DNAH9: variants seen among roughly 807,000 people sequenced by gnomAD.
DNAH9 encodes the protein DNAH9 variant protein.
Under a neutral mutation model 471.6 loss-of-function variants are expected in DNAH9, and 345 were observed. The observed-to-expected ratio is 0.73, with a 90% CI of 0.67 to 0.80. The LOEUF (loss-of-function observed/expected upper bound fraction) is 0.80. Among genes scored for constraint, DNAH9 ranks in the 30% least tolerant of loss-of-function variants. DNAH9 has a pLI of 0.00. For missense variants in DNAH9, 5,407 were observed against 5,609.2 expected (o/e 0.96, Z 1.15); for synonymous variants, 2,093 against 2,123.6 (o/e 0.99, Z 0.40).
At chr17:11,760,323 C>G (rs1055670839) in intron 35 of DNAH9, among the ~76,000 whole-genome samples, 4 of 152,236 alleles carry the variant, frequency 2.6e-5, no homozygotes, top group African/African-American at 9.6e-5. Context: ...TCTGCTATTT[C>G]TCACTCTGGG....
At chr17:11,836,898 A>G (rs147280426) in intron 49 of DNAH9, among the ~76,000 whole-genome samples, 1,807 of 152,334 alleles carry the variant, frequency 0.012, 31 homozygotes, top group African/African-American at 0.04. Flanking sequence ...TTCAAATACT[A>G]GTTGCACTAC....
intron 33 of DNAH9, among the ~76,000 whole-genome samples, chr17:11,753,575 G>C (rs1160114913): frequency 6.6e-6 from 1 of 152,162 alleles, no homozygotes; most frequent in African/African-American, 2.4e-5. Flanking sequence ...GCTGAGGCAG[G>C]AGAATTGCTT....
At chr17:11,694,501 C>A in intron 22 of DNAH9, 54 bp downstream of exon 22, 10 of 1,604,242 alleles carry the variant, frequency 6.2e-6, no homozygotes, top group Non-Finnish European at 8.5e-6. Flanking sequence ...GGGTGCCCAG[C>A]AGGAGGCAGT....
intron 1 of DNAH9, among the ~76,000 whole-genome samples, chr17:11,606,300 T>C (rs2072501451): frequency 6.6e-6 from 1 of 152,230 alleles, no homozygotes; most frequent in South Asian, 2.1e-4. Context: ...TATTTCCTTT[T>C]GATTATTTAT....
intron 15 of DNAH9, 107 bp downstream of exon 15, chr17:11,665,075 C>T (rs761820624): frequency 3.2e-6 from 3 of 942,346 alleles, no homozygotes; most frequent in African/African-American, 1.7e-5. Context: ...TTTCCCAAAA[C>T]GTTGTAGACC....
chr17:11,644,548 C>A (rs571419744), intron 10 of DNAH9, 83 bp from the exon 11 acceptor site: 1 of 1,015,786 alleles, frequency 9.8e-7, no homozygotes, highest in Admixed American at 2.0e-5. Flanking sequence ...TCACGCTCTT[C>A]TTTGGAGACT....
At position 11,695,740 on chromosome 17, in the gene DNAH9, C is replaced by T. The variant is rs1274073262; in HGVS notation, c.4872+1293C>T. Among the ~76,000 whole-genome samples, 4 of 152,198 alleles carry T rather than the reference C, an allele frequency of 2.6e-5. No individual in the cohort carries two copies. The South Asian group carries it at 6.2e-4, about 24-fold the overall frequency. ...CACTCCCACTGTTTCTGATTCACTA[C>T]GTCTGGGTAGAGCTGGAGAATTTGC... On this transcript the variant is annotated intron_variant, in intron 22 of 68. Transcript: ENST00000262442.
chr17:11,940,193 C>T (rs2151044420), intron 66 of DNAH9, among the ~76,000 whole-genome samples: 1 of 152,318 alleles, frequency 6.6e-6, no homozygotes, highest in South Asian at 2.1e-4. Context: ...TCCCTTGGAA[C>T]CCACTCCTCC....
intron 2 of DNAH9, among the ~76,000 whole-genome samples, chr17:11,609,028 A>G (rs1025386704): frequency 4.3e-4 from 66 of 152,106 alleles, no homozygotes; most frequent in Admixed American, 3.9e-3. Flanking sequence ...ATAAATATTA[A>G]TAGTATATTT....
chr17:11,927,584 A>T (rs1349938720), intron 62 of DNAH9, among the ~76,000 whole-genome samples: 1 of 152,076 alleles, frequency 6.6e-6, no homozygotes, highest in African/African-American at 2.4e-5. Flanking sequence ...AGGAACACAG[A>T]CCTTCTTTAT....
rs540487552 is a variant in DNAH9, at chr17:11,931,470, G to A, written c.12106-544G>A. Among the ~76,000 whole-genome samples the A allele has an allele frequency of 2.0e-5, 3 of 152,298 alleles. No individual in the cohort carries two copies. The East Asian group carries it at 5.8e-4, about 29-fold the overall frequency. On this transcript the variant is annotated intron_variant, in intron 63 of 68. Coordinates refer to ENST00000262442, the MANE Select transcript of DNAH9 (RefSeq NM_001372.4). ...AGAGTCTCAGAAGATTTTACTGACTGTGTGACACCCTTGTAGTGTAGGAGT... is the reference window on the plus strand; with the variant it reads ...AGAGTCTCAGAAGATTTTACTGACTATGTGACACCCTTGTAGTGTAGGAGT...
intron 65 of DNAH9, among the ~76,000 whole-genome samples, chr17:11,936,918 C>A (rs1250002242): frequency 6.6e-6 from 1 of 152,050 alleles, no homozygotes; most frequent in African/African-American, 2.4e-5. Flanking sequence ...TTTGTCATAT[C>A]TGATTTAGAT....
intron 10 of DNAH9, among the ~76,000 whole-genome samples, chr17:11,642,899 G>A (rs575448320): frequency 8.3e-6 from 1 of 119,838 alleles, no homozygotes; most frequent in African/African-American, 2.6e-5. Context: ...TGAGTAATCA[G>A]GGGGAAAAAA....
In DNAH9 at chr17:11,623,510, C is replaced by T. The variant is rs1057421582; in HGVS notation, c.1350+3729C>T. Among the ~76,000 whole-genome samples, 3 of 152,088 alleles carry T rather than the reference C, an allele frequency of 2.0e-5. No individual in the cohort carries two copies. The highest frequency in any genetic ancestry group is 7.2e-5 in the African/African-American group (3 of 41,416). On this transcript the variant is annotated intron_variant, in intron 6 of 68. Coordinates refer to ENST00000262442, the MANE Select transcript of DNAH9 (RefSeq NM_001372.4). This position sits in a 1 kb window ranked among gnomAD's most constrained non-coding sequence, Gnocchi z 4.1. ...CTCCCAAATGTCTGCTTAGATGCATCGCCCTTGCCCTTTGCCATCTTCCTC... is the reference window on the plus strand; with the variant it reads ...CTCCCAAATGTCTGCTTAGATGCATTGCCCTTGCCCTTTGCCATCTTCCTC...
At position 11,638,824 on chromosome 17, in the gene DNAH9, ATCC is replaced by A. The variant is rs2073211392; in HGVS notation, c.1787-1441_1787-1439del. On this transcript the variant is annotated intron_variant, in intron 9 of 68. Transcript: ENST00000262442. ...GGCTCTAGAGGAAAAATCCACTGCC[ATCC>A]TCCTTGCTGTTGGTAGAATCCAGTT... Among the ~76,000 whole-genome samples, 3 of 152,286 alleles carry A rather than the reference ATCC, an allele frequency of 2.0e-5. No individual in the cohort carries two copies. In the South Asian group the frequency reaches 6.2e-4, roughly 32 times the overall value.
chr17:11,962,175 C>A lies in DNAH9; in HGVS notation c.13152C>A (p.Asn4384Lys). 1 of 1,614,124 alleles carries A rather than the reference C, an allele frequency of 6.2e-7. No individual in the cohort carries two copies. The highest frequency in any genetic ancestry group is 1.1e-5 in the South Asian group (1 of 91,072). The stretch of plus-strand genomic sequence containing the variant: ...TGCAATGTGACATGACGAAGAAGAA[C>A]AGAGAAGAGTTTAGGAGTCCTCCTC... ...MALQCDMTKK[N>K]REEFRSPPRE... Residue 4384 changes from asparagine to lysine, a missense_variant, in exon 68 of 69, where the codon AAC (asparagine) becomes AAA (lysine). This residue lies in a region of DNAH9 where 4,636 missense variants were observed against 4,900.3 expected (regional missense o/e 0.95). Coordinates refer to ENST00000262442, the MANE Select transcript of DNAH9 (RefSeq NM_001372.4). The surrounding 1 kb of genome is among the most constrained non-coding windows in gnomAD (Gnocchi z 4.1).
intron 45 of DNAH9, 86 bp downstream of exon 45, chr17:11,810,455 G>A: frequency 2.6e-6 from 4 of 1,515,802 alleles, no homozygotes; most frequent in Non-Finnish European, 3.5e-6. Context: ...TCCAGGGTGG[G>A]AAGAGTAAGG....
intron 58 of DNAH9, among the ~76,000 whole-genome samples, chr17:11,893,775 C>T (rs933470980): frequency 6.6e-6 from 1 of 152,116 alleles, no homozygotes; most frequent in African/African-American, 2.4e-5. Context: ...GGGCTTCAAA[C>T]CTAGATGACA....
rs1387897367 is a variant in DNAH9 at position 11,689,993 on chromosome 17, C to G, written c.4171C>G (p.Gln1391Glu). Residue 1391 changes from glutamine to glutamate, a missense_variant, in exon 20 of 69, where the codon CAG (glutamine) becomes GAG (glutamate). This residue lies in a region of DNAH9 where 4,636 missense variants were observed against 4,900.3 expected (regional missense o/e 0.95). Coordinates refer to ENST00000262442, the MANE Select transcript of DNAH9 (RefSeq NM_001372.4). Reference sequence around the variant, plus strand: ...GGAGCGGCACTGGAGGCAGCTGATGCAGGCCACCGGTGTGAGCTTCACTAT... The same window carrying G: ...GGAGCGGCACTGGAGGCAGCTGATGGAGGCCACCGGTGTGAGCTTCACTAT... ...IRERHWRQLM[Q>E]ATGVSFTMDQ... 2 of 1,614,086 alleles carry G rather than the reference C, an allele frequency of 1.2e-6. No homozygotes were observed. The highest frequency in any genetic ancestry group is 3.3e-5 in the Admixed American group (2 of 60,018).
Sources: gnomAD v4.1 joint callset for allele counts (sites outside exome capture counted in the v4.1 genomes callset) on GRCh38, gnomAD v4.1.1 for gene constraint, gnomAD v4.1.1 regional missense constraint, Gnocchi (gnomAD v3.1) non-coding constraint, MANE v1.5 for transcripts, NCBI Gene and HGNC (gene_info 2026-07-23, HGNC 2026-07-21) for gene names.